ANKRD52: variants seen among roughly 807,000 people sequenced by gnomAD.
The protein encoded by ANKRD52 is ankyrin repeat domain 52, also known as serine/threonine-protein phosphatase 6 regulatory ankyrin repeat subunit C.
ANKRD52 carries 7 observed loss-of-function variants against 116.0 expected under a neutral mutation model. That is an observed-to-expected ratio of 0.06 (90% CI 0.03 to 0.11). ANKRD52 has a LOEUF of 0.11. Ranked by LOEUF, ANKRD52 falls within the 10% of genes least tolerant of loss-of-function variation. ANKRD52 has a pLI of 1.00. For missense variants in ANKRD52, 839 were observed against 1,408.6 expected (o/e 0.60, Z 6.47); for synonymous variants, 528 against 578.1 (o/e 0.91, Z 1.24).
rs1440134693 is a variant in ANKRD52 at position 56,245,465 on chromosome 12, G to A, written c.2316C>T (p.Thr772=). The stretch of plus-strand genomic sequence containing the variant: ...CTGTGGAAAGGGCAGCCTGCAGCAG[G>A]GTCCGCAGTACTGCAGTGTGGCCAC... ...SACGHTAVLR[T]LLQAALSTDP... is the part of the protein sequence containing the mutation. The change falls in exon 21 of 28, where the codon ACC becomes ACT. Residue 772 remains threonine, a synonymous_variant. Coordinates refer to ENST00000267116, the MANE Select transcript of ANKRD52 (RefSeq NM_173595.4). 1 of 1,612,576 alleles carries A rather than the reference G, an allele frequency of 6.2e-7. No homozygotes were observed. The highest frequency in any genetic ancestry group is 8.5e-7 in the Non-Finnish European group (1 of 1,179,394).
At position 56,253,990 on chromosome 12, in the gene ANKRD52, G is replaced by A; in HGVS notation, c.906+77C>T. ...GAAGCAAGTGGATAATTCCCCAAGAGAGCTATCCAGATACAGTCAGGACCC... is the reference window on the plus strand; with the variant it reads ...GAAGCAAGTGGATAATTCCCCAAGAAAGCTATCCAGATACAGTCAGGACCC... On this transcript the variant is annotated intron_variant, in intron 8 of 27. Coordinates refer to ENST00000267116, the MANE Select transcript of ANKRD52 (RefSeq NM_173595.4). The surrounding 1 kb of genome is among the most constrained non-coding windows in gnomAD (Gnocchi z 5.5). The A allele has an allele frequency of 6.8e-7, 1 of 1,465,428 alleles. No homozygotes were observed. Among genetic ancestry groups the A allele is most frequent in the Non-Finnish European group, 9.4e-7 (1 of 1,061,110 alleles). 90.8% of individuals were successfully genotyped at this position (1,465,428 alleles called of 1,614,324 possible). A position where few individuals can be genotyped will look rare whatever the true frequency, so the allele number is the denominator to read the frequency against.
chr12:56,258,116 C>A, intron 1 of ANKRD52, 127 bp downstream of exon 1: 2 of 1,479,718 alleles, frequency 1.4e-6, no homozygotes, highest in Non-Finnish European at 1.8e-6. Context: ...GGGAGCGCGG[C>A]ATGGGGCGGG....
rs764437890 is a variant in ANKRD52 at position 56,254,206 on chromosome 12, A to G, written c.767T>C (p.Ile256Thr). 1.7e-5 allele frequency: 28 copies of G among 1,613,966 alleles called. No homozygotes were observed. In the East Asian group the frequency reaches 5.1e-4, roughly 30 times the overall value. The change falls in exon 8 of 28, where the codon ATT becomes ACT. Residue 256 changes from isoleucine (I) to threonine (T), a missense_variant. By Grantham distance (89) the Ile-to-Thr change is moderately conservative (BLOSUM62 -1). Coordinates refer to ENST00000267116, the MANE Select transcript of ANKRD52 (RefSeq NM_173595.4). This position sits in a 1 kb window ranked among gnomAD's most constrained non-coding sequence, Gnocchi z 4.6. ...ATTGGCTCCGGCATTCACCAGCTCA[A>G]TAGCCACAGCATCCTGGCCCAGGTA... is the stretch of plus-strand genomic sequence containing the variant. ...ACYLGQDAVA[I>T]ELVNAGANVN...
intron 22 of ANKRD52, 25 bp downstream of exon 22, chr12:56,245,078 G>A (rs1158787374): frequency 6.2e-7 from 1 of 1,613,572 alleles, no homozygotes. Context: ...TCGCGAGAAG[G>A]GCTGATGCAG....
At chr12:56,246,645 G>A (rs990277645) in intron 20 of ANKRD52, among the ~76,000 whole-genome samples, 1 of 152,140 alleles carries the variant, frequency 6.6e-6, no homozygotes. Flanking sequence ...ATATTGGCCA[G>A]GCACAGTGGC....
intron 20 of ANKRD52, 131 bp downstream of exon 20, chr12:56,247,362 A>G (rs1592389639): frequency 1.7e-5 from 13 of 770,046 alleles, no homozygotes; most frequent in East Asian, 1.1e-4. Context: ...AAAAAAAAAA[A>G]AAGAAAAAGA....
chr12:56,246,314 G>T (rs1040018430), intron 20 of ANKRD52, among the ~76,000 whole-genome samples: 1 of 152,196 alleles, frequency 6.6e-6, no homozygotes, highest in Non-Finnish European at 1.5e-5. Context: ...ACAGACGTGA[G>T]CCACCATGCC....
Position 56,253,893 on chromosome 12 carries a change from G to A in ANKRD52, c.907-93C>T, listed in dbSNP as rs1871817716. On this transcript the variant is annotated intron_variant, in intron 8 of 27. Coordinates refer to ENST00000267116, the MANE Select transcript of ANKRD52 (RefSeq NM_173595.4). This position sits in a 1 kb window ranked among gnomAD's most constrained non-coding sequence, Gnocchi z 5.5. ...CTCCCTTCCAAGGACATATCTCTAAGGACAAAAGGGTCATATGGCACCTTC... is the reference window on the plus strand; with the variant it reads ...CTCCCTTCCAAGGACATATCTCTAAAGACAAAAGGGTCATATGGCACCTTC... 41 of 1,438,682 alleles carry A rather than the reference G, an allele frequency of 2.8e-5. No homozygotes were observed. Among genetic ancestry groups the A allele is most frequent in the Non-Finnish European group, 3.7e-5 (38 of 1,032,114 alleles). 89.1% of individuals were successfully genotyped at this position (1,438,682 alleles called of 1,614,324 possible). A position where few individuals can be genotyped will look rare whatever the true frequency, so the allele number is the denominator to read the frequency against.
Position 56,244,606 on chromosome 12 carries a change from A to G in ANKRD52, c.2722+46T>C. 6.2e-7 allele frequency: 1 copy of G among 1,609,656 alleles called. No homozygotes were observed. Among genetic ancestry groups the G allele is most frequent in the South Asian group, 1.1e-5 (1 of 90,908 alleles). On this transcript the variant is annotated intron_variant, in intron 24 of 27. Transcript: ENST00000267116. This position sits in a 1 kb window ranked among gnomAD's most constrained non-coding sequence, Gnocchi z 4.9. Reference sequence around the variant, plus strand: ...ACAGGCAGGGCTGACCCATCCTGCAAATGCCCCAGGGGAGCTCCTCCCTTC... The same window carrying G: ...ACAGGCAGGGCTGACCCATCCTGCAGATGCCCCAGGGGAGCTCCTCCCTTC...
In ANKRD52 at chr12:56,244,439, C is replaced by T. The variant is rs373686306; in HGVS notation, c.2723-4G>A. On this transcript the variant is annotated splice_polypyrimidine_tract_variant and splice_region_variant and intron_variant, in intron 24 of 27. Transcript: ENST00000267116. This position sits in a 1 kb window ranked among gnomAD's most constrained non-coding sequence, Gnocchi z 4.9. ...TTCCCTCGATACAGCAGAAATTCTA[C>T]GAGAGAAATGTGATAGAGGGACTGA... 5.1e-5 allele frequency: 82 copies of T among 1,613,738 alleles called. No homozygotes were observed. Among genetic ancestry groups the T allele is most frequent in the Middle Eastern group, 1.6e-4 (1 of 6,078 alleles).
rs142399243 is a variant in ANKRD52 at position 56,245,447 on chromosome 12, A to T, written c.2334T>A (p.Leu778=). The part of the protein sequence containing the change: ...AVLRTLLQAA[L]STDPLDAGVD... Reference sequence around the variant, plus strand: ...CCCCGGCATCCAGGGGATCTGTGGAAAGGGCAGCCTGCAGCAGGGTCCGCA... The same window carrying T: ...CCCCGGCATCCAGGGGATCTGTGGATAGGGCAGCCTGCAGCAGGGTCCGCA... Residue 778 remains leucine (L), a synonymous_variant, in exon 21 of 28, where the codon CTT becomes CTA. Coordinates refer to ENST00000267116, the MANE Select transcript of ANKRD52 (RefSeq NM_173595.4). 1,462 of 1,612,918 alleles carry T rather than the reference A, an allele frequency of 9.1e-4. 17 individuals are homozygous for T. In the East Asian group the frequency reaches 0.024, roughly 26 times the overall value.
chr12:56,246,132 C>A (rs1016616684), intron 20 of ANKRD52, among the ~76,000 whole-genome samples: 5 of 152,092 alleles, frequency 3.3e-5, no homozygotes, highest in African/African-American at 1.2e-4. Flanking sequence ...CAGGTTCCAG[C>A]AATTCTCCTG....
rs1194100519 is a variant in ANKRD52 at position 56,243,859 on chromosome 12, G to A, written c.2906C>T (p.Ala969Val). The A allele has an allele frequency of 6.4e-7, 1 of 1,565,792 alleles. No homozygotes were observed. Among genetic ancestry groups the A allele is most frequent in the Non-Finnish European group, 8.7e-7 (1 of 1,154,916 alleles). ...SALQMPLHIA[A>V]RNGLASVVQA... ...TACCACAGAAGCTAGACCATTCCGGGCAGCAATGTGGAGTGGCCTTGGAAA... is the reference window on the plus strand; with the variant it reads ...TACCACAGAAGCTAGACCATTCCGGACAGCAATGTGGAGTGGCCTTGGAAA... The change falls in exon 27 of 28, where the codon GCC becomes GTC. Residue 969 changes from alanine (A) to valine (V), a missense_variant. Physicochemically the swap from Ala to Val is moderately conservative, Grantham distance 64 (BLOSUM62 0). This residue lies in a region of ANKRD52 where 552 missense variants were observed against 810.6 expected (regional missense o/e 0.68). Transcript: ENST00000267116. The surrounding 1 kb of genome is among the most constrained non-coding windows in gnomAD (Gnocchi z 4.6).
At position 56,257,354 on chromosome 12, in the gene ANKRD52, T is replaced by C; in HGVS notation, c.119A>G (p.Glu40Gly). Residue 40 changes from glutamate to glycine, a missense_variant, in exon 3 of 28, where the codon GAG (glutamate) becomes GGG (glycine). This residue lies in a region of ANKRD52 where 287 missense variants were observed against 598.1 expected (regional missense o/e 0.48). Transcript: ENST00000267116. Reference protein sequence around the residue: ...QKENINVLDQERRTPLHAAAY... With the variant: ...QKENINVLDQGRRTPLHAAAY... ...AGCAGCATGCAATGGAGTTCGCCTC[T>C]CTTGGTCCTGGGAAGGCAAAAAAGA... 2 of 1,589,338 alleles carry C rather than the reference T, an allele frequency of 1.3e-6. No individual in the cohort carries two copies. The highest frequency in any genetic ancestry group is 1.7e-6 in the Non-Finnish European group (2 of 1,167,820).
chr12:56,258,350 G>A lies in ANKRD52; in HGVS notation c.-81C>T, dbSNP rs553280232. Reference sequence around the variant, plus strand: ...ACCGGGGACACGGAGCGGCCCAGGCGGCGGCTGCGGTGGCGGCTGCAGGGA... The same window carrying A: ...ACCGGGGACACGGAGCGGCCCAGGCAGCGGCTGCGGTGGCGGCTGCAGGGA... On this transcript the variant is annotated 5_prime_UTR_variant, in exon 1 of 28. Transcript: ENST00000267116. The A allele has an allele frequency of 1.7e-4, 238 of 1,379,768 alleles. 2 individuals are homozygous for A. The South Asian group carries it at 3.4e-3, about 20-fold the overall frequency. 85.5% of individuals were successfully genotyped at this position (1,379,768 alleles called of 1,614,324 possible).
Position 56,253,701 on chromosome 12 carries a change from C to T in ANKRD52, c.985+21G>A. 6.2e-7 allele frequency: 1 copy of T among 1,611,408 alleles called. No individual in the cohort carries two copies. Among genetic ancestry groups the T allele is most frequent in the Non-Finnish European group, 8.5e-7 (1 of 1,177,980 alleles). ...CTTGGGGGAGGAGGGGATGAGAGCA[C>T]AAAGTCTCCCAGGTCCATACCATTC... On this transcript the variant is annotated intron_variant, in intron 9 of 27. Coordinates refer to ENST00000267116, the MANE Select transcript of ANKRD52 (RefSeq NM_173595.4). The surrounding 1 kb of genome is among the most constrained non-coding windows in gnomAD (Gnocchi z 5.5).
At position 56,248,801 on chromosome 12, in the gene ANKRD52, C is replaced by T; in HGVS notation, c.1662G>A (p.Val554=). The T allele has an allele frequency of 1.9e-6, 3 of 1,611,584 alleles. No individual in the cohort carries two copies. The highest frequency in any genetic ancestry group is 1.3e-5 in the African/African-American group (1 of 75,036). ...TGTTGCCATAGGCGGCTGCATAGTG[C>T]ACAGCTGTGTAGCCCTGCCTGTCCC... ...SLRDRQGYTA[V]HYAAAYGNRQ... The change falls in exon 16 of 28, where the codon GTG becomes GTA. Residue 554 remains valine, a synonymous_variant. Coordinates refer to ENST00000267116, the MANE Select transcript of ANKRD52 (RefSeq NM_173595.4). The surrounding 1 kb of genome is among the most constrained non-coding windows in gnomAD (Gnocchi z 5.1).
chr12:56,254,314 G>A lies in ANKRD52; in HGVS notation c.694-35C>T. 2 of 1,596,948 alleles carry A rather than the reference G, an allele frequency of 1.3e-6. No homozygotes were observed. The highest frequency in any genetic ancestry group is 2.2e-5 in the East Asian group (1 of 44,598). On this transcript the variant is annotated intron_variant, in intron 7 of 27. Transcript: ENST00000267116. The surrounding 1 kb of genome is among the most constrained non-coding windows in gnomAD (Gnocchi z 4.6). ...CAGGGGTGAGAGTAAGGTGGTATCA[G>A]TTTAAACAAAGTAGAAGCCAGCACA... is the stretch of plus-strand genomic sequence containing the variant.
At position 56,252,828 on chromosome 12, in the gene ANKRD52, G is replaced by A; in HGVS notation, c.1253C>T (p.Thr418Ile). Residue 418 changes from threonine to isoleucine, a missense_variant, in exon 12 of 28, where the codon ACA (threonine) becomes ATA (isoleucine). Transcript: ENST00000267116. The surrounding 1 kb of genome is among the most constrained non-coding windows in gnomAD (Gnocchi z 4.7). The stretch of plus-strand genomic sequence containing the variant: ...ACAGGTACGGCCAAGGTTGTCAGGT[G>A]TATTGATGTCAAACCCAGCTGAAAG... Reference protein sequence around the residue: ...HVLSAGFDINTPDNLGRTCLH... With the variant: ...HVLSAGFDINIPDNLGRTCLH... The A allele has an allele frequency of 2.5e-6, 4 of 1,613,966 alleles. No individual in the cohort carries two copies. In the East Asian group the frequency reaches 6.7e-5, roughly 27 times the overall value.
Sources: gnomAD v4.1 joint callset for allele counts (sites outside exome capture counted in the v4.1 genomes callset) on GRCh38, gnomAD v4.1.1 for gene constraint, gnomAD v4.1.1 regional missense constraint, Gnocchi (gnomAD v3.1) non-coding constraint, MANE v1.5 for transcripts, NCBI Gene and HGNC (gene_info 2026-07-23, HGNC 2026-07-21) for gene names.